The following NR6A1 variants were observed in gnomAD, a reference collection of about 807,000 sequenced individuals.
NR6A1 encodes the protein nuclear receptor subfamily 6 group A member 1.
NR6A1 carries 7 observed loss-of-function variants against 59.1 expected under a neutral mutation model. That is an observed-to-expected ratio of 0.12 (90% CI 0.07 to 0.22). NR6A1 has a LOEUF of 0.22. Among genes scored for constraint, NR6A1 ranks in the 10% least tolerant of loss-of-function variants. NR6A1 has a pLI of 1.00. For missense variants in NR6A1, 468 were observed against 611.6 expected (o/e 0.77, Z 2.48); for synonymous variants, 243 against 236.1 (o/e 1.03, Z -0.27).
chr9:124,656,091 G>A (rs1837250776), intron 2 of NR6A1, among the ~76,000 whole-genome samples: 1 of 152,050 alleles, frequency 6.6e-6, no homozygotes, highest in African/African-American at 2.4e-5. Context: ...AGTGAGTGCT[G>A]GCTCTATAAC....
intron 3 of NR6A1, among the ~76,000 whole-genome samples, chr9:124,546,055 C>T (rs769472659): frequency 3.3e-5 from 5 of 152,178 alleles, no homozygotes; most frequent in Admixed American, 6.5e-5. Flanking sequence ...GTGGAGGTTG[C>T]GGTGAACTGA....
chr9:124,585,216 T>C (rs1190444384), intron 2 of NR6A1, among the ~76,000 whole-genome samples: 1 of 151,790 alleles, frequency 6.6e-6, no homozygotes, highest in Non-Finnish European at 1.5e-5. Flanking sequence ...GCTCACGAGG[T>C]TGAAGGAAAT....
At chr9:124,540,253 G>A in intron 4 of NR6A1, 66 bp from the exon 5 acceptor site, 4 of 1,503,342 alleles carry the variant, frequency 2.7e-6, no homozygotes, top group Non-Finnish European at 3.6e-6. Context: ...TCAGGACTGA[G>A]AGCTTATTTA....
intron 2 of NR6A1, among the ~76,000 whole-genome samples, chr9:124,617,442 G>A (rs891939522): frequency 6.6e-6 from 1 of 152,180 alleles, no homozygotes; most frequent in African/African-American, 2.4e-5. Flanking sequence ...GCTAGCGCAG[G>A]GCACCTAGGT....
At chr9:124,697,506 G>A (rs1233928896) in intron 2 of NR6A1, among the ~76,000 whole-genome samples, 1 of 152,060 alleles carries the variant, frequency 6.6e-6, no homozygotes, top group Non-Finnish European at 1.5e-5. Flanking sequence ...GACTTCAAGG[G>A]TATGTGTAAC....
chr9:124,637,251 A>G (rs1836635645), intron 2 of NR6A1, among the ~76,000 whole-genome samples: 1 of 152,236 alleles, frequency 6.6e-6, no homozygotes, highest in Non-Finnish European at 1.5e-5. Flanking sequence ...TTCTAAAAAC[A>G]TTAGTAATTG....
intron 2 of NR6A1, among the ~76,000 whole-genome samples, chr9:124,615,424 T>C (rs535600448): frequency 3.8e-4 from 58 of 152,324 alleles, no homozygotes; most frequent in African/African-American, 1.3e-3. Context: ...AAGGCCCATA[T>C]AGCACCTTTA....
chr9:124,766,628 A>C (rs1180672263), intron 1 of NR6A1, among the ~76,000 whole-genome samples: 1 of 152,226 alleles, frequency 6.6e-6, no homozygotes, highest in Non-Finnish European at 1.5e-5. Flanking sequence ...ACATCTTCTC[A>C]AGTGTCACTT....
chr9:124,585,558 A>AGGGGG (rs1159676111), intron 2 of NR6A1, among the ~76,000 whole-genome samples: 3 of 27,626 alleles, frequency 1.1e-4, no homozygotes, highest in African/African-American at 6.3e-4. Context: ...AAAAAAAAAA[A>AGGGGG]GGGGGGGGGG....
In NR6A1 at chr9:124,540,022, T is replaced by C; in HGVS notation, c.596+11A>G. ...CCTAGATGATGACCATGGGTTTGCC[T>C]TAAAGCTCACCTGGAAGACAGTGTG... On this transcript the variant is annotated intron_variant, in intron 5 of 9. Coordinates refer to ENST00000487099, the MANE Select transcript of NR6A1 (RefSeq NM_033334.4). 1 of 1,604,314 alleles carries C rather than the reference T, an allele frequency of 6.2e-7. No homozygotes were observed. The highest frequency in any genetic ancestry group is 8.5e-7 in the Non-Finnish European group (1 of 1,175,010).
intron 2 of NR6A1, among the ~76,000 whole-genome samples, chr9:124,724,534 CAA>C (rs778956782): frequency 2.4e-5 from 3 of 127,164 alleles, no homozygotes; most frequent in Non-Finnish European, 3.4e-5. Flanking sequence ...TAGCACATAC[CAA>C]AAAAAAAAAA....
intron 2 of NR6A1, among the ~76,000 whole-genome samples, chr9:124,584,819 T>A (rs1296362731): frequency 6.6e-6 from 1 of 152,058 alleles, no homozygotes; most frequent in Non-Finnish European, 1.5e-5. Flanking sequence ...AAGAGCCACG[T>A]CTCTCACTTT....
rs543198307 is a variant in NR6A1, at chr9:124,522,892, G to T, written c.1355-99C>A. On this transcript the variant is annotated intron_variant, in intron 9 of 9. Coordinates refer to ENST00000487099, the MANE Select transcript of NR6A1 (RefSeq NM_033334.4). Reference sequence around the variant, plus strand: ...GGTGGAGGCAGAGTATCACCTTGCTGAGTGACTGGGGCAAGAGAAGTGCCA... The same window carrying T: ...GGTGGAGGCAGAGTATCACCTTGCTTAGTGACTGGGGCAAGAGAAGTGCCA... 2.6e-4 allele frequency: 227 copies of T among 872,824 alleles called. 5 individuals carry two copies. In the South Asian group the frequency reaches 3.3e-3, roughly 13 times the overall value. The allele number at this position is 872,824 out of a possible 1,614,324, so 54.1% of individuals were successfully genotyped here.
At chr9:124,687,281 C>CAGCT (rs1838364094) in intron 2 of NR6A1, among the ~76,000 whole-genome samples, 6 of 73,312 alleles carry the variant, frequency 8.2e-5, no homozygotes, top group Middle Eastern at 6.4e-3. Context: ...CCACCACAGC[C>CAGCT]AGCTAATTAA....
chr9:124,565,381 C>T (rs1478720507), intron 2 of NR6A1, among the ~76,000 whole-genome samples: 1 of 151,970 alleles, frequency 6.6e-6, no homozygotes, highest in East Asian at 1.9e-4. Flanking sequence ...GAGCCGAGAT[C>T]GTGCCACTGC....
chr9:124,543,955 A>C, intron 3 of NR6A1, 98 bp from the exon 4 acceptor site: 3 of 909,138 alleles, frequency 3.3e-6, no homozygotes, highest in Non-Finnish European at 5.3e-6. Flanking sequence ...ATAAGACAGT[A>C]ATTAGTGAAT....
intron 2 of NR6A1, among the ~76,000 whole-genome samples, chr9:124,660,648 CAAAA>C (rs753242760): frequency 6.5e-5 from 6 of 92,820 alleles, no homozygotes; most frequent in African/African-American, 1.6e-4. Flanking sequence ...TCTGAGAATA[CAAAA>C]AAAAAAAAAA....
intron 3 of NR6A1, among the ~76,000 whole-genome samples, chr9:124,549,937 G>A (rs1384950725): frequency 1.3e-5 from 2 of 152,176 alleles, no homozygotes; most frequent in Admixed American, 1.3e-4. Context: ...TAGCTGTCAT[G>A]CCTTCATAGT....
chr9:124,525,237 G>A (rs1218495730), intron 8 of NR6A1, among the ~76,000 whole-genome samples: 1 of 148,562 alleles, frequency 6.7e-6, no homozygotes, highest in Non-Finnish European at 1.5e-5. Context: ...GCCCTTCGCT[G>A]GAACCAATCA....
Sources: gnomAD v4.1 joint callset for allele counts (sites outside exome capture counted in the v4.1 genomes callset) on GRCh38, gnomAD v4.1.1 for gene constraint, MANE v1.5 for transcripts, NCBI Gene and HGNC (gene_info 2026-07-23, HGNC 2026-07-21) for gene names.